The following ADGRB1 variants were observed in gnomAD, a reference collection of about 807,000 sequenced individuals.
ADGRB1 encodes adhesion G protein-coupled receptor B1.
Under a neutral mutation model 175.7 loss-of-function variants are expected in ADGRB1, and 36 were observed. That is an observed-to-expected ratio of 0.20 (90% CI 0.16 to 0.27). The LOEUF is 0.27. ADGRB1 is among the 10% of genes least tolerant of loss of function. ADGRB1 has a pLI of 1.00. For synonymous variants in ADGRB1, 1,054 were observed against 979.4 expected, an observed-to-expected ratio of 1.08 and a Z score of -1.42; for missense variants, 1,731 against 2,255.3, an observed-to-expected ratio of 0.77 and a Z score of 4.71.
chr8:142,467,299 G>C (rs1223958164), intron 2 of ADGRB1, among the ~76,000 whole-genome samples: 1 of 152,240 alleles, frequency 6.6e-6, no homozygotes, highest in Non-Finnish European at 1.5e-5. Flanking sequence ...TCAGCCCTGA[G>C]GGGAAGCCTG....
At chr8:142,508,040 G>A (rs376313306) in intron 17 of ADGRB1, among the ~76,000 whole-genome samples, 7 of 151,990 alleles carry the variant, frequency 4.6e-5, no homozygotes, top group Non-Finnish European at 1.0e-4. Flanking sequence ...ACAGCGGTGG[G>A]CCTGGATTCC....
chr8:142,486,717 C>G (rs1841688543), intron 13 of ADGRB1, among the ~76,000 whole-genome samples: 1 of 152,186 alleles, frequency 6.6e-6, no homozygotes, highest in Admixed American at 6.5e-5. Context: ...CTAGCATTAA[C>G]CTTTTAAATT....
At chr8:142,517,950 T>C (rs548728204) in intron 18 of ADGRB1, among the ~76,000 whole-genome samples, 188 bp from the exon 19 acceptor site, 1 of 151,638 alleles carries the variant, frequency 6.6e-6, no homozygotes, top group African/African-American at 2.4e-5. Flanking sequence ...GAAAGGGAGT[T>C]CTGGAGGGCC....
Position 142,514,074 on chromosome 8 carries a change from GGAGA to G in ADGRB1, c.2817+3007_2817+3010del, listed in dbSNP as rs1488182150. ...GCCAGAAGTGAGCCTGGCTGGGCAG[GGAGA>G]GAGAGGGGTGCTGCCTAGCTTAGCC... On this transcript the variant is annotated intron_variant, in intron 18 of 30. Coordinates refer to ENST00000517894, the MANE Select transcript of ADGRB1 (RefSeq NM_001702.3). 2.6e-5 allele frequency among the ~76,000 whole-genome samples: 4 copies of G among 152,176 alleles called. No individual in the cohort carries two copies. In the East Asian group the frequency reaches 7.7e-4, roughly 29 times the overall value.
chr8:142,533,542 G>T (rs576667155), intron 25 of ADGRB1, 76 bp downstream of exon 25: 7 of 1,468,554 alleles, frequency 4.8e-6, no homozygotes, highest in Non-Finnish European at 6.4e-6. Flanking sequence ...CCTTCCCCGA[G>T]GACCTCGGCA....
intron 17 of ADGRB1, among the ~76,000 whole-genome samples, chr8:142,501,211 G>A (rs1045501156): frequency 2.0e-5 from 3 of 152,218 alleles, no homozygotes; most frequent in Non-Finnish European, 2.9e-5. Context: ...GGACAGTAAA[G>A]GTGACGGTTG....
At chr8:142,458,827 A>C (rs1839818056) in intron 1 of ADGRB1, among the ~76,000 whole-genome samples, 1 of 152,224 alleles carries the variant, frequency 6.6e-6, no homozygotes, top group Non-Finnish European at 1.5e-5. Flanking sequence ...GTAATTGGTC[A>C]CTGTCCTTGG....
chr8:142,475,296 G>T (rs1227324554), intron 2 of ADGRB1, among the ~76,000 whole-genome samples, 178 bp from the exon 3 acceptor site: 1 of 152,216 alleles, frequency 6.6e-6, no homozygotes, highest in Non-Finnish European at 1.5e-5. Flanking sequence ...CTCTCCAGAG[G>T]GGGCCCGGGA....
At chr8:142,521,908 A>G (rs7463713) in intron 20 of ADGRB1, 57 bp from the exon 21 acceptor site, 1,528,469 of 1,532,434 alleles carry the variant, frequency 1, 762,265 homozygotes, top group East Asian at 1. Context: ...CTCAGTGGGG[A>G]CAGGTGTGGG....
At chr8:142,488,532 G>A in intron 14 of ADGRB1, 25 bp downstream of exon 14, 1 of 1,606,710 alleles carries the variant, frequency 6.2e-7, no homozygotes, top group Non-Finnish European at 8.5e-7. Flanking sequence ...GAGTGGAGGG[G>A]GACCTTCATG....
chr8:142,479,419 T>C lies in ADGRB1; in HGVS notation c.1658T>C (p.Phe553Ser). The change falls in exon 8 of 31, where the codon TTC becomes TCC. Residue 553 changes from phenylalanine (F) to serine (S), a missense_variant. By Grantham distance (155) the Phe-to-Ser change is radical (BLOSUM62 -2). This residue lies in a region of ADGRB1 where 388 missense variants were observed against 630.9 expected (regional missense o/e 0.61). Transcript: ENST00000517894. Reference sequence around the variant, plus strand: ...CGGGAGCGTGTCTGCTCTGGGCCCTTCTTCGGGGGAGCAGCCTGCCAGGGC... The same window carrying C: ...CGGGAGCGTGTCTGCTCTGGGCCCTCCTTCGGGGGAGCAGCCTGCCAGGGC... ...QRRERVCSGP[F>S]FGGAACQGPQ... The C allele has an allele frequency of 5.2e-6, 8 of 1,547,340 alleles. No homozygotes were observed. Among genetic ancestry groups the C allele is most frequent in the Non-Finnish European group, 6.9e-6 (8 of 1,151,672 alleles).
At position 142,464,657 on chromosome 8, in the gene ADGRB1, C is replaced by A; in HGVS notation, c.459C>A (p.His153Gln). The part of the protein sequence containing the change: ...LQMRRQQPPQ[H>Q]DGLRPRAGPP... ...TGCGGCGCCAGCAGCCGCCCCAGCA[C>A]GACGGGCTCCGGCCCCGGGCCGGGC... The change falls in exon 2 of 31, where the codon CAC becomes CAA. Residue 153 changes from histidine to glutamine, a missense_variant. By Grantham distance (24) the His-to-Gln change is conservative. Coordinates refer to ENST00000517894, the MANE Select transcript of ADGRB1 (RefSeq NM_001702.3). 6.6e-7 allele frequency: 1 copy of A among 1,521,958 alleles called. No individual in the cohort carries two copies. Among genetic ancestry groups the A allele is most frequent in the African/African-American group, 1.4e-5 (1 of 71,030 alleles). 94.3% of individuals were successfully genotyped at this position (1,521,958 alleles called of 1,614,324 possible). A position where few individuals can be genotyped will look rare whatever the true frequency, so the allele number is the denominator to read the frequency against.
At chr8:142,530,532 A>T (rs56074787) in intron 24 of ADGRB1, among the ~76,000 whole-genome samples, 25,972 of 152,086 alleles carry the variant, frequency 0.17, 2,369 homozygotes, top group East Asian at 0.29. Flanking sequence ...CCAGGGTTTT[A>T]GGAGCCGTGG....
At chr8:142,544,131 G>T in intron 30 of ADGRB1, 89 bp from the exon 31 acceptor site, 1 of 1,393,464 alleles carries the variant, frequency 7.2e-7, no homozygotes, top group South Asian at 1.4e-5. Context: ...CTTCCTCACT[G>T]ATTCGTGTCT....
Position 142,543,460 on chromosome 8 carries a change from C to CA in ADGRB1, c.4449+23dup. ...TGAGGTGAGTTCTGGTGTCCCCCCC[C>CA]ACCAGACACTTAGGGCCAGATGTGC... is the stretch of plus-strand genomic sequence containing the variant. On this transcript the variant is annotated intron_variant, in intron 29 of 30. Coordinates refer to ENST00000517894, the MANE Select transcript of ADGRB1 (RefSeq NM_001702.3). This position sits in a 1 kb window ranked among gnomAD's most constrained non-coding sequence, Gnocchi z 4.4. The CA allele has an allele frequency of 6.2e-7, 1 of 1,613,536 alleles. No individual in the cohort carries two copies. The highest frequency in any genetic ancestry group is 1.1e-5 in the South Asian group (1 of 91,014).
In ADGRB1 at chr8:142,511,288, G is replaced by C. The variant is rs974521862; in HGVS notation, c.2817+215G>C. 6.6e-6 allele frequency among the ~76,000 whole-genome samples: 1 copy of C among 151,998 alleles called. No individual in the cohort carries two copies. The highest frequency in any genetic ancestry group is 2.1e-4 in the South Asian group (1 of 4,830). The stretch of plus-strand genomic sequence containing the variant: ...CGGGTGGCAGTGTGGAGTTGGAGAC[G>C]GGCCTGGGAGGAGTCGGGACCCCCG... On this transcript the variant is annotated intron_variant, in intron 18 of 30. Coordinates refer to ENST00000517894, the MANE Select transcript of ADGRB1 (RefSeq NM_001702.3). This position sits in a 1 kb window ranked among gnomAD's most constrained non-coding sequence, Gnocchi z 4.5.
In ADGRB1 at chr8:142,484,059, C is replaced by T; in HGVS notation, c.2199+14C>T. Reference sequence around the variant, plus strand: ...GAGGCCCAGCTGGTAGGGCCTGGGGCCCCTACGGTCAGCAGCCTCAGGAGG... The same window carrying T: ...GAGGCCCAGCTGGTAGGGCCTGGGGTCCCTACGGTCAGCAGCCTCAGGAGG... On this transcript the variant is annotated intron_variant, in intron 12 of 30. Transcript: ENST00000517894. 1.2e-6 allele frequency: 2 copies of T among 1,604,406 alleles called. No individual in the cohort carries two copies. Among genetic ancestry groups the T allele is most frequent in the Non-Finnish European group, 1.7e-6 (2 of 1,176,972 alleles).
At position 142,508,289 on chromosome 8, in the gene ADGRB1, G is replaced by A. The variant is rs116541574; in HGVS notation, c.2676-2643G>A. Among the ~76,000 whole-genome samples, 851 of 152,314 alleles carry A rather than the reference G, an allele frequency of 5.6e-3. 7 individuals carry two copies. Among genetic ancestry groups the A allele is most frequent in the African/African-American group, 0.02 (822 of 41,554 alleles). On this transcript the variant is annotated intron_variant, in intron 17 of 30. Coordinates refer to ENST00000517894, the MANE Select transcript of ADGRB1 (RefSeq NM_001702.3). ...TGGGTCTCAGGTCCCTGCTCCACCT[G>A]TTCCTCTCCAGCATGGGGACAGTGG...
intron 20 of ADGRB1, 111 bp downstream of exon 20, chr8:142,521,036 G>A (rs1310954360): frequency 9.3e-7 from 1 of 1,073,332 alleles, no homozygotes; most frequent in South Asian, 1.5e-5. Context: ...GCAGGCGGGT[G>A]TGGGGGCAGG....
Sources: gnomAD v4.1 joint callset for allele counts (sites outside exome capture counted in the v4.1 genomes callset) on GRCh38, gnomAD v4.1.1 for gene constraint, gnomAD v4.1.1 regional missense constraint, Gnocchi (gnomAD v3.1) non-coding constraint, MANE v1.5 for transcripts, NCBI Gene and HGNC (gene_info 2026-07-23, HGNC 2026-07-21) for gene names.